Variants in PEBP4 observed in about 807,000 individuals in gnomAD.
PEBP4 encodes phosphatidylethanolamine-binding protein 4.
Under a neutral mutation model 23.9 loss-of-function variants are expected in PEBP4, and 22 were observed. The ratio of observed to expected loss-of-function variants is 0.92; its 90% confidence interval spans 0.66 to 1.31. PEBP4 has a LOEUF of 1.31. Ranked by LOEUF, PEBP4 falls within the 40% of genes most tolerant of loss-of-function variation. The pLI is 0.00. For synonymous variants in PEBP4, 112 were observed against 99.3 expected (o/e 1.13, Z -0.76); for missense variants, 324 against 281.7 (o/e 1.15, Z -1.07).
intron 4 of PEBP4, among the ~76,000 whole-genome samples, chr8:22,793,224 C>T (rs1470468071): frequency 2.0e-5 from 3 of 152,070 alleles, no homozygotes; most frequent in Admixed American, 2.0e-4. Context: ...TTATTTTACT[C>T]ATATCCTTAT....
At chr8:22,929,590 A>T (rs1809422980), upstream of PEBP4, among the ~76,000 whole-genome samples, 1 of 152,158 alleles carries the variant, frequency 6.6e-6, no homozygotes. Flanking sequence ...CATCTTATGG[A>T]GGAGGAGACA....
intron 4 of PEBP4, among the ~76,000 whole-genome samples, chr8:22,742,670 T>C (rs1805021753): frequency 6.6e-6 from 1 of 152,174 alleles, no homozygotes; most frequent in Admixed American, 6.5e-5. Flanking sequence ...TATTTTTCAG[T>C]CACTCGCCAA....
At chr8:22,717,959 C>T (rs1019002399) in intron 6 of PEBP4, among the ~76,000 whole-genome samples, 11 of 152,060 alleles carry the variant, frequency 7.2e-5, no homozygotes, top group Admixed American at 5.2e-4. Context: ...CGGTGGTAGG[C>T]GGGAGGCCTG....
intron 6 of PEBP4, among the ~76,000 whole-genome samples, chr8:22,714,864 A>G (rs192534500): frequency 6.6e-6 from 1 of 152,326 alleles, no homozygotes; most frequent in African/African-American, 2.4e-5. Context: ...TCTCAAGGAG[A>G]GGATAATTTT....
At chr8:22,803,943 T>C (rs1232863823) in intron 4 of PEBP4, among the ~76,000 whole-genome samples, 3 of 152,194 alleles carry the variant, frequency 2.0e-5, no homozygotes, top group Non-Finnish European at 4.4e-5. Context: ...TGCCTTGGTG[T>C]AAGTCACCGT....
At chr8:22,808,028 TATCCATCC>T (rs377460672) in intron 4 of PEBP4, among the ~76,000 whole-genome samples, 3 of 151,262 alleles carry the variant, frequency 2.0e-5, no homozygotes, top group African/African-American at 7.3e-5. Context: ...ACCTAATCTT[TATCCATCC>T]ATCCATCCAT....
chr8:22,788,420 G>C (rs780119498), intron 4 of PEBP4, among the ~76,000 whole-genome samples: 3 of 152,162 alleles, frequency 2.0e-5, no homozygotes, highest in Non-Finnish European at 4.4e-5. Flanking sequence ...GAGAGGTGAC[G>C]CAGGGAGGGA....
chr8:22,739,788 T>C (rs1804950640), intron 4 of PEBP4, among the ~76,000 whole-genome samples: 1 of 152,100 alleles, frequency 6.6e-6, no homozygotes, highest in Admixed American at 6.6e-5. Flanking sequence ...ACCCATCCTG[T>C]TCTCTACTGC....
At chr8:22,830,192 C>T (rs1029218683) in intron 3 of PEBP4, among the ~76,000 whole-genome samples, 5 of 148,078 alleles carry the variant, frequency 3.4e-5, no homozygotes, top group Non-Finnish European at 5.9e-5. Flanking sequence ...TGTAGTGGTG[C>T]GATTTCGGCT....
At chr8:22,858,512 A>T (rs1386875964) in intron 3 of PEBP4, among the ~76,000 whole-genome samples, 3 of 152,210 alleles carry the variant, frequency 2.0e-5, no homozygotes, top group Non-Finnish European at 4.4e-5. Flanking sequence ...TGTTACTCAG[A>T]TTTCAAAGTA....
chr8:22,847,086 T>C (rs1807453362), intron 3 of PEBP4, among the ~76,000 whole-genome samples: 1 of 152,210 alleles, frequency 6.6e-6, no homozygotes, highest in Non-Finnish European at 1.5e-5. Flanking sequence ...ATGATGTGCA[T>C]GTCCAATCCA....
At chr8:22,713,829 C>A (rs982526952) in intron 6 of PEBP4, among the ~76,000 whole-genome samples, 1 of 150,376 alleles carries the variant, frequency 6.6e-6, no homozygotes, top group Non-Finnish European at 1.5e-5. Context: ...CTCTGTTTAG[C>A]AAAACTGCCT....
At chr8:22,820,935 C>T (rs1044359432) in intron 3 of PEBP4, among the ~76,000 whole-genome samples, 3 of 152,134 alleles carry the variant, frequency 2.0e-5, no homozygotes, top group African/African-American at 4.8e-5. Context: ...GGCTCACATC[C>T]GTAATCCCAA....
chr8:22,828,428 C>T (rs994987826), intron 3 of PEBP4, among the ~76,000 whole-genome samples: 1 of 152,166 alleles, frequency 6.6e-6, no homozygotes, highest in Non-Finnish European at 1.5e-5. Context: ...TAAACCCTTC[C>T]ATTCTTTGCT....
rs147102145 is a variant in PEBP4 at position 22,903,512 on chromosome 8, G to A, written c.258+16672C>T. On this transcript the variant is annotated intron_variant, in intron 3 of 6. Transcript: ENST00000256404. ...GGAGTCTCTCTCCTCACCCCCAGAGGCAGCAGTTCCTGAATGGGGCTGCAG... is the reference window on the plus strand; with the variant it reads ...GGAGTCTCTCTCCTCACCCCCAGAGACAGCAGTTCCTGAATGGGGCTGCAG... Among the ~76,000 whole-genome samples, 569 of 152,298 alleles carry A rather than the reference G, an allele frequency of 3.7e-3. 1 individual carries two copies. Among genetic ancestry groups the A allele is most frequent in the African/African-American group, 0.011 (473 of 41,556 alleles).
At chr8:22,777,470 T>C (rs900402179) in intron 4 of PEBP4, among the ~76,000 whole-genome samples, 1 of 152,068 alleles carries the variant, frequency 6.6e-6, no homozygotes, top group African/African-American at 2.4e-5. Context: ...AACGCAGCCC[T>C]GAGACCTGAG....
At chr8:22,844,431 C>G (rs1470445719) in intron 3 of PEBP4, among the ~76,000 whole-genome samples, 1 of 152,036 alleles carries the variant, frequency 6.6e-6, no homozygotes, top group African/African-American at 2.4e-5. Context: ...TAGAGACGGG[C>G]TTTCTCCATG....
intron 5 of PEBP4, among the ~76,000 whole-genome samples, chr8:22,726,081 CAT>C (rs1035255467): frequency 1.2e-4 from 18 of 151,390 alleles, no homozygotes; most frequent in African/African-American, 3.6e-4. Flanking sequence ...TGCTGAGAGC[CAT>C]GTGTGTGGTT....
At chr8:22,748,288 C>A (rs1278158860) in intron 4 of PEBP4, among the ~76,000 whole-genome samples, 1 of 152,024 alleles carries the variant, frequency 6.6e-6, no homozygotes, top group African/African-American at 2.4e-5. Context: ...GAGAGGAGCC[C>A]TCCAGGGTGA....
Sources: allele counts gnomAD v4.1 joint callset (sites outside exome capture counted in the v4.1 genomes callset), GRCh38; gene constraint gnomAD v4.1.1; transcripts MANE v1.5; gene names NCBI Gene and HGNC (gene_info 2026-07-23, HGNC 2026-07-21).